The following NDUFAF5 variants were observed in gnomAD, a reference collection of about 807,000 sequenced individuals.
NDUFAF5 encodes the protein arginine-hydroxylase NDUFAF5, mitochondrial.
In NDUFAF5, 34 loss-of-function variants were observed where a neutral mutation model predicts 48.9. The ratio of observed to expected loss-of-function variants is 0.70; its 90% confidence interval spans 0.53 to 0.93. NDUFAF5 has a LOEUF of 0.93. NDUFAF5 is among the 40% of genes least tolerant of loss of function. NDUFAF5 has a pLI of 0.00. For missense variants in NDUFAF5, 428 were observed against 427.5 expected (o/e 1.00, Z -0.01); for synonymous variants, 153 against 150.6 (o/e 1.02, Z -0.12).
intron 5 of NDUFAF5, among the ~76,000 whole-genome samples, chr20:13,797,533 G>C (rs1260196406): frequency 5.3e-5 from 8 of 152,284 alleles, no homozygotes; most frequent in African/African-American, 9.6e-5. Context: ...TCTGGAAAAA[G>C]CAAACTCTGG....
At chr20:13,817,065 G>C in intron 10 of NDUFAF5, 53 bp from the exon 11 acceptor site, 1 of 1,570,224 alleles carries the variant, frequency 6.4e-7, no homozygotes, top group Non-Finnish European at 8.8e-7. Flanking sequence ...GCTTTAATTG[G>C]GGCTGTGTAT....
At position 13,817,155 on chromosome 20, in the gene NDUFAF5, T is replaced by A. The variant is rs944709426; in HGVS notation, c.983T>A (p.Phe328Tyr). ...PAERGSATVSFGELGKINNLM... is the reference protein window; with the variant it reads ...PAERGSATVSYGELGKINNLM... ...GAAAGAGGTTCCGCAACTGTGTCATTTGGAGAGCTAGGAAAAATAAACAAC... is the reference window on the plus strand; with the variant it reads ...GAAAGAGGTTCCGCAACTGTGTCATATGGAGAGCTAGGAAAAATAAACAAC... The change falls in exon 11 of 11, where the codon TTT (phenylalanine) becomes TAT (tyrosine). Residue 328 changes from phenylalanine to tyrosine, a missense_variant. Transcript: ENST00000378106. 6.2e-7 allele frequency: 1 copy of A among 1,614,032 alleles called. No homozygotes were observed. The highest frequency in any genetic ancestry group is 1.3e-5 in the African/African-American group (1 of 75,030).
In NDUFAF5 at chr20:13,791,817, AG is replaced by A. The variant is rs1982322072; in HGVS notation, c.328-1362del. 2.0e-5 allele frequency among the ~76,000 whole-genome samples: 3 copies of A among 152,270 alleles called. No individual in the cohort carries two copies. The South Asian group carries it at 6.2e-4, about 32-fold the overall frequency. On this transcript the variant is annotated intron_variant, in intron 3 of 10. Coordinates refer to ENST00000378106, the MANE Select transcript of NDUFAF5 (RefSeq NM_024120.5). The stretch of plus-strand genomic sequence containing the variant: ...TGCCTTCATTCTTTTTACTCCCTGT[AG>A]TCTATCCATAGTAGTGTTCATCAGT...
chr20:13,801,065 AG>A (rs1243467836), intron 6 of NDUFAF5, among the ~76,000 whole-genome samples: 1 of 152,172 alleles, frequency 6.6e-6, no homozygotes, highest in Non-Finnish European at 1.5e-5. Flanking sequence ...CCAAGATTCA[AG>A]GGGAGGGGAA....
At chr20:13,815,316 A>C (rs1986334286) in intron 8 of NDUFAF5, among the ~76,000 whole-genome samples, 2 of 152,188 alleles carry the variant, frequency 1.3e-5, no homozygotes, top group South Asian at 4.1e-4. Context: ...TGGTCACTTT[A>C]AAGACCACAG....
chr20:13,799,905 C>T (rs892925493), intron 6 of NDUFAF5, among the ~76,000 whole-genome samples: 3 of 151,892 alleles, frequency 2.0e-5, no homozygotes, highest in African/African-American at 7.3e-5. Flanking sequence ...GCAAAACTCA[C>T]TTTGAAGTTT....
intron 7 of NDUFAF5, among the ~76,000 whole-genome samples, chr20:13,802,118 G>A (rs1391706564): frequency 6.6e-6 from 1 of 152,114 alleles, no homozygotes; most frequent in Non-Finnish European, 1.5e-5. Flanking sequence ...GAGAATGTGT[G>A]TTCTCAAGGC....
rs749228752 is a variant in NDUFAF5, at chr20:13,785,298, CGCGGGGCG to C, written c.222+26_222+33del. ...GACTACCTGAAGGAGGAGGTGAGCC[CGCGGGGCG>C]GCGGGGCGGCGGGGCGGGCGACGCG... On this transcript the variant is annotated intron_variant, in intron 1 of 10. Coordinates refer to ENST00000378106, the MANE Select transcript of NDUFAF5 (RefSeq NM_024120.5). 248 of 1,040,744 alleles carry C rather than the reference CGCGGGGCG, an allele frequency of 2.4e-4. 3 individuals are homozygous for C. The highest frequency in any genetic ancestry group is 1.4e-3 in the South Asian group (87 of 62,752). 64.5% of individuals were successfully genotyped at this position (1,040,744 alleles called of 1,614,324 possible).
chr20:13,799,004 A>G (rs1983692901), intron 6 of NDUFAF5, among the ~76,000 whole-genome samples: 1 of 152,226 alleles, frequency 6.6e-6, no homozygotes, highest in African/African-American at 2.4e-5. Flanking sequence ...TCAAGAGGAA[A>G]GTACTTGAGC....
At chr20:13,806,979 T>A (rs1484144837) in intron 7 of NDUFAF5, among the ~76,000 whole-genome samples, 2 of 152,110 alleles carry the variant, frequency 1.3e-5, no homozygotes, top group Non-Finnish European at 2.9e-5. Flanking sequence ...CCTCCCAGGT[T>A]CAAGGGATTC....
intron 7 of NDUFAF5, 80 bp downstream of exon 7, chr20:13,801,763 A>T (rs1015517): frequency 4.8e-6 from 6 of 1,257,182 alleles, no homozygotes; most frequent in Middle Eastern, 1.9e-4. Context: ...AGAAAACTGT[A>T]TGTGTTCATG....
At chr20:13,805,758 G>C (rs1288225218) in intron 7 of NDUFAF5, among the ~76,000 whole-genome samples, 2 of 151,938 alleles carry the variant, frequency 1.3e-5, no homozygotes, top group Non-Finnish European at 2.9e-5. Flanking sequence ...GGGCAACATA[G>C]GGAGTCCTCA....
At chr20:13,797,927 A>G (rs1354371042) in intron 5 of NDUFAF5, among the ~76,000 whole-genome samples, 1 of 152,190 alleles carries the variant, frequency 6.6e-6, no homozygotes, top group African/African-American at 2.4e-5. Flanking sequence ...TTAAAAATTG[A>G]TTTTTTAAAA....
chr20:13,792,740 T>G (rs2147505267), intron 3 of NDUFAF5, among the ~76,000 whole-genome samples: 1 of 152,292 alleles, frequency 6.6e-6, no homozygotes, highest in South Asian at 2.1e-4. Context: ...TCTCCTTTCC[T>G]TTTGGAAGGG....
At chr20:13,796,699 C>G (rs1983274912) in intron 5 of NDUFAF5, among the ~76,000 whole-genome samples, 1 of 152,186 alleles carries the variant, frequency 6.6e-6, no homozygotes, top group Non-Finnish European at 1.5e-5. Context: ...AATTCAAGGC[C>G]CGGGCACGGT....
At chr20:13,795,934 A>G (rs890325112) in intron 5 of NDUFAF5, among the ~76,000 whole-genome samples, 3 of 152,230 alleles carry the variant, frequency 2.0e-5, no homozygotes, top group African/African-American at 7.2e-5. Context: ...AGTATATATC[A>G]AATAGGTTAT....
chr20:13,797,677 T>G (rs528681640), intron 5 of NDUFAF5, among the ~76,000 whole-genome samples: 9 of 152,286 alleles, frequency 5.9e-5, no homozygotes, highest in African/African-American at 1.7e-4. Context: ...CATTACACGT[T>G]TATCCAAACC....
At chr20:13,787,878 T>G (rs1158439961) in intron 2 of NDUFAF5, among the ~76,000 whole-genome samples, 1 of 152,104 alleles carries the variant, frequency 6.6e-6, no homozygotes, top group African/African-American at 2.4e-5. Context: ...AATTTTAAGT[T>G]TTCTTATTAT....
intron 7 of NDUFAF5, among the ~76,000 whole-genome samples, chr20:13,808,299 C>G (rs1600378407): frequency 6.6e-6 from 1 of 152,112 alleles, no homozygotes; most frequent in East Asian, 1.9e-4. Flanking sequence ...AGTCCTGTAT[C>G]AGGCTTCAAA....
Sources: gnomAD v4.1 joint callset for allele counts (sites outside exome capture counted in the v4.1 genomes callset) on GRCh38, gnomAD v4.1.1 for gene constraint, MANE v1.5 for transcripts, NCBI Gene and HGNC (gene_info 2026-07-23, HGNC 2026-07-21) for gene names.